The following NCKAP5 variants were observed in gnomAD, a reference collection of about 807,000 sequenced individuals.
The protein encoded by NCKAP5 is NCK associated protein 5.
Under a neutral mutation model 167.0 loss-of-function variants are expected in NCKAP5, and 92 were observed. The observed-to-expected ratio is 0.55, with a 90% CI of 0.47 to 0.66. The LOEUF is 0.66. NCKAP5 is among the 30% of genes least tolerant of loss of function. The pLI is 0.00. For missense variants in NCKAP5, 2,378 were observed against 2,315.0 expected (o/e 1.03, Z -0.56); for synonymous variants, 891 against 877.4 (o/e 1.02, Z -0.27).
intron 3 of NCKAP5, among the ~76,000 whole-genome samples, chr2:133,517,139 T>C (rs1684068672): frequency 6.6e-6 from 1 of 152,218 alleles, no homozygotes; most frequent in Non-Finnish European, 1.5e-5. Flanking sequence ...GGAACAACTA[T>C]ACGTAGGCTT....
chr2:132,849,941 T>C (rs545924559), intron 11 of NCKAP5, among the ~76,000 whole-genome samples: 44 of 152,176 alleles, frequency 2.9e-4, no homozygotes, highest in African/African-American at 9.4e-4. Context: ...AAGGGTACAA[T>C]GCTGATAATC....
chr2:133,198,910 CACAA>C (rs1169067246), intron 5 of NCKAP5, among the ~76,000 whole-genome samples: 2 of 151,812 alleles, frequency 1.3e-5, no homozygotes, highest in Non-Finnish European at 2.9e-5. Flanking sequence ...ATTTGCAAAG[CACAA>C]ACAAACAGAA....
intron 3 of NCKAP5, among the ~76,000 whole-genome samples, chr2:133,435,169 G>A (rs1402623443): frequency 3.3e-5 from 5 of 152,180 alleles, no homozygotes; most frequent in African/African-American, 1.2e-4. Flanking sequence ...GGGTTGGAGA[G>A]TGGGTGGGAA....
intron 8 of NCKAP5, among the ~76,000 whole-genome samples, chr2:132,907,597 C>T (rs1558927403): frequency 1.6e-5 from 2 of 127,806 alleles, no homozygotes; most frequent in African/African-American, 3.5e-5. Context: ...AATCAAGGCT[C>T]TTACCACTCA....
At chr2:133,061,480 T>C (rs1008245608) in intron 6 of NCKAP5, among the ~76,000 whole-genome samples, 1 of 152,330 alleles carries the variant, frequency 6.6e-6, no homozygotes. Context: ...TGTTTACCTA[T>C]GTAACAAACC....
chr2:133,327,259 C>G (rs1158286224), intron 3 of NCKAP5, among the ~76,000 whole-genome samples: 1 of 152,218 alleles, frequency 6.6e-6, no homozygotes, highest in Non-Finnish European at 1.5e-5. Flanking sequence ...AAGCACAATA[C>G]AGCTTCCACT....
chr2:133,204,886 C>T (rs2085874313), intron 5 of NCKAP5, among the ~76,000 whole-genome samples: 1 of 152,192 alleles, frequency 6.6e-6, no homozygotes, highest in South Asian at 2.1e-4. Context: ...TTGGTCATGA[C>T]ACTTTCCTAC....
chr2:133,576,928 A>G, the NCKAP5 span, among the ~76,000 whole-genome samples: 4 of 152,188 alleles, frequency 2.6e-5, no homozygotes, highest in African/African-American at 9.7e-5. Context: ...CCTTTCCTGT[A>G]ATACACTCCA....
intron 2 of NCKAP5, among the ~76,000 whole-genome samples, chr2:133,537,411 C>T (rs1363696113): frequency 6.6e-6 from 1 of 152,070 alleles, no homozygotes; most frequent in South Asian, 2.1e-4. Flanking sequence ...CTTAACAATG[C>T]TCAGTCTTCT....
chr2:133,093,907 G>A (rs371953290), intron 6 of NCKAP5, among the ~76,000 whole-genome samples: 26 of 152,326 alleles, frequency 1.7e-4, no homozygotes, highest in African/African-American at 5.5e-4. Flanking sequence ...ATCAGAAAGA[G>A]TGGACACTGG....
the NCKAP5 span, among the ~76,000 whole-genome samples, chr2:133,647,510 AGGAAAGGAAAGGAAAGGAAAGGAAAGGAG>A: frequency 2.9e-3 from 379 of 132,816 alleles, 1 homozygote; most frequent in African/African-American, 8.9e-3. Flanking sequence ...AGGAAAGGAA[AGGAAAGGAAAGGAAAGGAAAGGAAAGGAG>A]GGAGGGAGGG....
intron 5 of NCKAP5, among the ~76,000 whole-genome samples, chr2:133,137,716 C>T (rs944944914): frequency 1.3e-5 from 2 of 152,060 alleles, no homozygotes; most frequent in South Asian, 4.1e-4. Flanking sequence ...AGGAGTTTTT[C>T]CAGGGTGGGT....
intron 16 of NCKAP5, among the ~76,000 whole-genome samples, chr2:132,749,616 A>G (rs1406831417): frequency 2.0e-4 from 30 of 152,078 alleles, no homozygotes; most frequent in Admixed American, 2.0e-3. Context: ...GGCTCGTCCT[A>G]CCTGTATTCA....
chr2:133,417,321 A>G (rs1689179664), intron 3 of NCKAP5, among the ~76,000 whole-genome samples: 2 of 152,138 alleles, frequency 1.3e-5, no homozygotes, highest in African/African-American at 4.8e-5. Flanking sequence ...GCAATTTCCC[A>G]TTAACCCCGA....
the NCKAP5 span, among the ~76,000 whole-genome samples, chr2:133,604,573 T>C: frequency 6.6e-6 from 1 of 152,170 alleles, no homozygotes; most frequent in Admixed American, 6.5e-5. Context: ...TCCCCTTGTC[T>C]TACTGTACTT....
intron 16 of NCKAP5, among the ~76,000 whole-genome samples, chr2:132,742,849 A>G (rs2105599818): frequency 6.6e-6 from 1 of 151,964 alleles, no homozygotes; most frequent in South Asian, 2.1e-4. Flanking sequence ...ATGTGACTGT[A>G]GTTGAAATGT....
At chr2:133,116,934 T>C (rs1201176467) in intron 6 of NCKAP5, 1 of 152,230 alleles carries the variant, frequency 6.6e-6, no homozygotes, top group Non-Finnish European at 1.5e-5. Context: ...TGCTCAATAA[T>C]ATTAGCTCAC....
intron 10 of NCKAP5, among the ~76,000 whole-genome samples, chr2:132,867,662 T>G (rs537072105): frequency 6.6e-6 from 1 of 152,292 alleles, no homozygotes; most frequent in Admixed American, 6.5e-5. Flanking sequence ...CATAGTCCTT[T>G]TGGACCATGA....
chr2:132,871,527 T>G (rs1690812638), intron 9 of NCKAP5, among the ~76,000 whole-genome samples: 1 of 152,160 alleles, frequency 6.6e-6, no homozygotes, highest in Non-Finnish European at 1.5e-5. Flanking sequence ...CTGGTAACGG[T>G]GGTCACATAA....
Sources: gnomAD v4.1 joint callset for allele counts (sites outside exome capture counted in the v4.1 genomes callset) on GRCh38, gnomAD v4.1.1 for gene constraint, MANE v1.5 for transcripts, NCBI Gene and HGNC (gene_info 2026-07-23, HGNC 2026-07-21) for gene names.